PCDHGA12: variants seen among roughly 807,000 people sequenced by gnomAD.
PCDHGA12 encodes protocadherin gamma subfamily A, 12, also known as protocadherin gamma-A12.
Under a neutral mutation model 61.1 loss-of-function variants are expected in PCDHGA12, and 43 were observed. The ratio of observed to expected loss-of-function variants is 0.70; its 90% confidence interval spans 0.55 to 0.91. PCDHGA12 has a LOEUF of 0.91. Ranked by LOEUF, PCDHGA12 falls within the 40% of genes least tolerant of loss-of-function variation. The pLI is 0.00. For synonymous variants in PCDHGA12, 520 were observed against 542.9 expected (o/e 0.96, Z 0.59); for missense variants, 1,236 against 1,227.7 (o/e 1.01, Z -0.10).
rs1186225096 is a variant in PCDHGA12, at chr5:141,490,605, C to G, written c.2425-4202C>G. The G allele has an allele frequency of 1.1e-5, 18 of 1,614,198 alleles. No homozygotes were observed. Among genetic ancestry groups the G allele is most frequent in the Non-Finnish European group, 1.5e-5 (18 of 1,180,030 alleles). On this transcript the variant is annotated intron_variant, in intron 1 of 3. Transcript: ENST00000252085. The surrounding 1 kb of genome is among the most constrained non-coding windows in gnomAD (Gnocchi z 5.4). ...TCAATGACAATGCACCCCGCTTCAACCAGCAGCTTTACACTGCTTACATCC... is the reference window on the plus strand; with the variant it reads ...TCAATGACAATGCACCCCGCTTCAAGCAGCAGCTTTACACTGCTTACATCC...
chr5:141,494,446 G>C (rs1046119515), intron 1 of PCDHGA12, among the ~76,000 whole-genome samples: 2 of 152,172 alleles, frequency 1.3e-5, no homozygotes, highest in African/African-American at 4.8e-5. Context: ...TGCCACTTTA[G>C]GGGGCTTTGT....
At chr5:141,450,790 A>G (rs2098694056) in intron 1 of PCDHGA12, among the ~76,000 whole-genome samples, 1 of 148,832 alleles carries the variant, frequency 6.7e-6, no homozygotes, top group Admixed American at 6.7e-5. Context: ...CCCGGACCTC[A>G]TGATTGTATT....
chr5:141,491,876 A>G lies in PCDHGA12; in HGVS notation c.2425-2931A>G. ...TTGCGCGAAACCAGAGTGGCCGATT[A>G]AGGGATGGGGCTCCGAGCACCGGGG... On this transcript the variant is annotated intron_variant, in intron 1 of 3. Coordinates refer to ENST00000252085, the MANE Select transcript of PCDHGA12 (RefSeq NM_003735.3). The surrounding 1 kb of genome is among the most constrained non-coding windows in gnomAD (Gnocchi z 6.9). 2.1e-6 allele frequency: 3 copies of G among 1,450,326 alleles called. No individual in the cohort carries two copies. Among genetic ancestry groups the G allele is most frequent in the Non-Finnish European group, 1.8e-6 (2 of 1,097,472 alleles). 89.8% of individuals were successfully genotyped at this position (1,450,326 alleles called of 1,614,324 possible).
rs1445450316 is a variant in PCDHGA12, at chr5:141,491,210, C to T, written c.2425-3597C>T. On this transcript the variant is annotated intron_variant, in intron 1 of 3. Coordinates refer to ENST00000252085, the MANE Select transcript of PCDHGA12 (RefSeq NM_003735.3). The surrounding 1 kb of genome is among the most constrained non-coding windows in gnomAD (Gnocchi z 6.9). ...AGGGACAATGGTGACCCTTCACTCT[C>T]CTCCACAGCCACAGTGCTGCTGGTT... The T allele has an allele frequency of 3.7e-6, 6 of 1,614,228 alleles. No homozygotes were observed. Among genetic ancestry groups the T allele is most frequent in the Non-Finnish European group, 3.4e-6 (4 of 1,180,032 alleles).
chr5:141,464,980 GATCCT>G (rs2154568684), intron 1 of PCDHGA12, among the ~76,000 whole-genome samples: 1 of 151,990 alleles, frequency 6.6e-6, no homozygotes, highest in East Asian at 1.9e-4. Flanking sequence ...GGCTTCAAGT[GATCCT>G]CCCACCTCAG....
chr5:141,433,313 C>T (rs2097582516), intron 1 of PCDHGA12, 130 bp downstream of exon 1: 5 of 866,388 alleles, frequency 5.8e-6, no homozygotes, highest in Admixed American at 2.8e-5. Context: ...CCCACCTTTG[C>T]CTCCGGTGTA....
At position 141,487,010 on chromosome 5, in the gene PCDHGA12, GC is replaced by G. The variant is rs2099638172; in HGVS notation, c.2425-7793del. ...TTGGGTTTCCTATCAGCTCCTGGAG[GC>G]CCCAGATCCCAGCCTGTTTGCAGTC... is the stretch of plus-strand genomic sequence containing the variant. On this transcript the variant is annotated intron_variant, in intron 1 of 3. Coordinates refer to ENST00000252085, the MANE Select transcript of PCDHGA12 (RefSeq NM_003735.3). This position sits in a 1 kb window ranked among gnomAD's most constrained non-coding sequence, Gnocchi z 5.0. 6.2e-7 allele frequency: 1 copy of G among 1,614,096 alleles called. No individual in the cohort carries two copies. Among genetic ancestry groups the G allele is most frequent in the Non-Finnish European group, 8.5e-7 (1 of 1,180,056 alleles).
Position 141,485,790 on chromosome 5 carries a change from C to T in PCDHGA12, c.2425-9017C>T. On this transcript the variant is annotated intron_variant, in intron 1 of 3. Transcript: ENST00000252085. This position sits in a 1 kb window ranked among gnomAD's most constrained non-coding sequence, Gnocchi z 5.7. The stretch of plus-strand genomic sequence containing the variant: ...AAGCCTTTGGATCGAGAGAAGCAAT[C>T]GGACTACCGCCTGGTGCTGACTGCT... 6.2e-7 allele frequency: 1 copy of T among 1,614,204 alleles called. No homozygotes were observed. Among genetic ancestry groups the T allele is most frequent in the Non-Finnish European group, 8.5e-7 (1 of 1,180,032 alleles).
At chr5:141,457,108 T>C (rs186630889) in intron 1 of PCDHGA12, among the ~76,000 whole-genome samples, 40 of 152,338 alleles carry the variant, frequency 2.6e-4, no homozygotes, top group African/African-American at 9.1e-4. Flanking sequence ...TTAAGCAAAA[T>C]ACGACAGCAA....
intron 1 of PCDHGA12, among the ~76,000 whole-genome samples, chr5:141,446,149 G>T (rs2098490670): frequency 6.6e-6 from 1 of 152,178 alleles, no homozygotes; most frequent in Non-Finnish European, 1.5e-5. Context: ...GGAATAGGTG[G>T]AATATAAATT....
intron 2 of PCDHGA12, among the ~76,000 whole-genome samples, chr5:141,496,352 G>A (rs2099768243): frequency 2.0e-5 from 3 of 152,200 alleles, no homozygotes; most frequent in South Asian, 2.1e-4. Context: ...GAGTCTCAGA[G>A]CCCAGGGAGA....
chr5:141,481,913 C>CAAAAAAAAAAAAA (rs34114744), intron 1 of PCDHGA12, among the ~76,000 whole-genome samples: 1 of 90,852 alleles, frequency 1.1e-5, no homozygotes. Flanking sequence ...AACTCCATCT[C>CAAAAAAAAAAAAA]AAAAAAAAAA....
intron 1 of PCDHGA12, among the ~76,000 whole-genome samples, chr5:141,450,093 G>A (rs1330425383): frequency 2.8e-5 from 4 of 143,748 alleles, no homozygotes; most frequent in East Asian, 2.1e-4. Context: ...TGCAACCTCC[G>A]CCTCCCAGGT....
chr5:141,432,138 A>C lies in PCDHGA12; in HGVS notation c.1379A>C (p.Tyr460Ser), dbSNP rs2097456794. Residue 460 changes from tyrosine (Y) to serine (S), a missense_variant, in exon 1 of 4, where the codon TAT becomes TCT. Tyr to Ser is a moderately radical substitution (Grantham distance 144). Coordinates refer to ENST00000252085, the MANE Select transcript of PCDHGA12 (RefSeq NM_003735.3). The surrounding 1 kb of genome is among the most constrained non-coding windows in gnomAD (Gnocchi z 6.0). ...TTCCCTCAGGCCTCCTATTCCGCTT[A>C]TATCCCAGAGAACAATCCCAGAGGA... ...PVFPQASYSA[Y>S]IPENNPRGVS... 1 of 1,613,954 alleles carries C rather than the reference A, an allele frequency of 6.2e-7. No individual in the cohort carries two copies. Among genetic ancestry groups the C allele is most frequent in the African/African-American group, 1.3e-5 (1 of 74,882 alleles).
Position 141,476,165 on chromosome 5 carries a change from G to A in PCDHGA12, c.2425-18642G>A. ...CGGACTGGTAAGCACCGGGAGGGTA[G>A]TGGGAGTTTTGCTTCTGCTTGGTGC... On this transcript the variant is annotated intron_variant, in intron 1 of 3. Coordinates refer to ENST00000252085, the MANE Select transcript of PCDHGA12 (RefSeq NM_003735.3). This position sits in a 1 kb window ranked among gnomAD's most constrained non-coding sequence, Gnocchi z 7.6. 1 of 1,613,228 alleles carries A rather than the reference G, an allele frequency of 6.2e-7. No homozygotes were observed.
rs2099621975 is a variant in PCDHGA12 at position 141,485,946 on chromosome 5, G to A, written c.2425-8861G>A. ...AGTGTGTTGGAGAGCGCACCAGCGG[G>A]CATGGTGCTCATCCAGCTCAATGCC... On this transcript the variant is annotated intron_variant, in intron 1 of 3. Transcript: ENST00000252085. This position sits in a 1 kb window ranked among gnomAD's most constrained non-coding sequence, Gnocchi z 5.7. The A allele has an allele frequency of 1.2e-6, 2 of 1,614,040 alleles. No homozygotes were observed. The highest frequency in any genetic ancestry group is 2.2e-5 in the East Asian group (1 of 44,884).
At chr5:141,467,280 T>G (rs1021597111) in intron 1 of PCDHGA12, among the ~76,000 whole-genome samples, 58 of 152,272 alleles carry the variant, frequency 3.8e-4, no homozygotes, top group Admixed American at 2.6e-4. Flanking sequence ...CTCGAACTCT[T>G]GACCTCAAGT....
intron 1 of PCDHGA12, among the ~76,000 whole-genome samples, chr5:141,454,266 C>T (rs2098785508): frequency 1.3e-5 from 2 of 152,132 alleles, no homozygotes; most frequent in African/African-American, 4.8e-5. Flanking sequence ...AAAGTAATGC[C>T]AGCAAAAACT....
intron 1 of PCDHGA12, among the ~76,000 whole-genome samples, chr5:141,438,629 TATATATAC>T (rs1474630940): frequency 0.043 from 2,039 of 47,824 alleles, 19 homozygotes; most frequent in South Asian, 0.061. Flanking sequence ...TATATATATA[TATATATAC>T]ACACACACAC....
Sources: gnomAD v4.1 joint callset for allele counts (sites outside exome capture counted in the v4.1 genomes callset) on GRCh38, gnomAD v4.1.1 for gene constraint, Gnocchi (gnomAD v3.1) non-coding constraint, MANE v1.5 for transcripts, NCBI Gene and HGNC (gene_info 2026-07-23, HGNC 2026-07-21) for gene names.